The following MAP3K20 variants were observed in gnomAD, a reference collection of about 807,000 sequenced individuals.
MAP3K20 encodes the protein HCCS-4.
Under a neutral mutation model 85.7 loss-of-function variants are expected in MAP3K20, and 40 were observed. The ratio of observed to expected loss-of-function variants is 0.47; its 90% CI spans 0.36 to 0.61. MAP3K20 has a LOEUF of 0.61. Among genes scored for constraint, MAP3K20 ranks in the 20% least tolerant of loss-of-function variants. MAP3K20 has a pLI of 0.00. For missense variants in MAP3K20, 817 were observed against 961.7 expected (o/e 0.85, Z 1.99); for synonymous variants, 325 against 327.7 (o/e 0.99, Z 0.09).
intron 9 of MAP3K20, among the ~76,000 whole-genome samples, chr2:173,204,879 G>A (rs908831520): frequency 5.9e-5 from 9 of 152,062 alleles, no homozygotes; most frequent in Admixed American, 2.0e-4. Flanking sequence ...AGAGGCAGGC[G>A]GATCATGAGG....
At chr2:173,221,346 T>C (rs912060104) in intron 11 of MAP3K20, 2 of 1,613,958 alleles carry the variant, frequency 1.2e-6, no homozygotes, top group Non-Finnish European at 1.7e-6. Flanking sequence ...GCAGGAGCTG[T>C]GATGCATTCT....
In MAP3K20 at chr2:173,201,184, AATAAG is replaced by A. The variant is rs1456572421; in HGVS notation, c.670-2609_670-2605del. ...TTTGCTTCTAATCCCTTAATAATAAAATAAGATGTTTAAACAGTCATATTTCTAAT... is the reference window on the plus strand; with the variant it reads ...TTTGCTTCTAATCCCTTAATAATAAAATGTTTAAACAGTCATATTTCTAAT... On this transcript the variant is annotated intron_variant, in intron 8 of 19. Transcript: ENST00000375213. Among the ~76,000 whole-genome samples, 9 of 152,120 alleles carry A rather than the reference AATAAG, an allele frequency of 5.9e-5. No individual in the cohort carries two copies. In the South Asian group the frequency reaches 1.7e-3, roughly 28 times the overall value.
At chr2:173,248,327 T>A (rs1684968420) in intron 16 of MAP3K20, among the ~76,000 whole-genome samples, 1 of 152,218 alleles carries the variant, frequency 6.6e-6, no homozygotes, top group Non-Finnish European at 1.5e-5. Context: ...CTACCCTGTC[T>A]TATATATGTA....
At position 173,217,098 on chromosome 2, in the gene MAP3K20, C is replaced by A; in HGVS notation, c.852-17C>A. 2 of 1,501,130 alleles carry A rather than the reference C, an allele frequency of 1.3e-6. No homozygotes were observed. The highest frequency in any genetic ancestry group is 1.4e-5 in the South Asian group (1 of 70,582). 93.0% of individuals were successfully genotyped at this position (1,501,130 alleles called of 1,614,324 possible). A position where few individuals can be genotyped will look rare whatever the true frequency, so the allele number is the denominator to read the frequency against. On this transcript the variant is annotated splice_polypyrimidine_tract_variant and intron_variant, in intron 10 of 19. Transcript: ENST00000375213. Reference sequence around the variant, plus strand: ...TCTTAAGTAAAGTTGAGACTTACACCAGCTATCCCCGTGCAGGTGCGAAAT... The same window carrying A: ...TCTTAAGTAAAGTTGAGACTTACACAAGCTATCCCCGTGCAGGTGCGAAAT...
chr2:173,250,090 T>C (rs1685009292), intron 16 of MAP3K20, among the ~76,000 whole-genome samples: 1 of 152,246 alleles, frequency 6.6e-6, no homozygotes, highest in South Asian at 2.1e-4. Flanking sequence ...GTTATTTGCA[T>C]TACTGTGTCA....
intron 2 of MAP3K20, among the ~76,000 whole-genome samples, chr2:173,106,847 G>T (rs1293833297): frequency 1.3e-5 from 2 of 152,162 alleles, no homozygotes; most frequent in Non-Finnish European, 2.9e-5. Flanking sequence ...GGAATTGGTG[G>T]TCAGCAAGTA....
intron 12 of MAP3K20, among the ~76,000 whole-genome samples, chr2:173,231,809 T>C (rs998427078): frequency 3.3e-5 from 5 of 152,256 alleles, no homozygotes; most frequent in Admixed American, 1.3e-4. Context: ...TTCTGTCTGT[T>C]GCTCTGTCCA....
At chr2:173,108,144 T>A (rs200827937) in intron 2 of MAP3K20, among the ~76,000 whole-genome samples, 5 of 131,308 alleles carry the variant, frequency 3.8e-5, no homozygotes, top group East Asian at 2.1e-4. Context: ...TTTTTTTTTT[T>A]ATTTTTTTTT....
chr2:173,093,776 G>A (rs1574005992), intron 2 of MAP3K20, among the ~76,000 whole-genome samples: 2 of 152,196 alleles, frequency 1.3e-5, no homozygotes, highest in South Asian at 4.1e-4. Flanking sequence ...TTAAGAAAAT[G>A]TGGCACATAT....
intron 17 of MAP3K20, among the ~76,000 whole-genome samples, chr2:173,260,708 T>C (rs570273468): frequency 1.9e-3 from 297 of 152,364 alleles, no homozygotes; most frequent in Middle Eastern, 6.8e-3. Flanking sequence ...CTTCTCATAT[T>C]GCTATGGATT....
intron 2 of MAP3K20, among the ~76,000 whole-genome samples, chr2:173,105,660 A>G (rs188495060): frequency 1.3e-5 from 2 of 152,316 alleles, no homozygotes; most frequent in East Asian, 3.9e-4. Flanking sequence ...GCCTAACACA[A>G]AAGGACCAAT....
rs77541672 is a variant in MAP3K20, at chr2:173,239,630, T to C, written c.1359+134T>C. 45,098 of 789,396 alleles carry C rather than the reference T, an allele frequency of 0.057. 5,664 individuals are homozygous for C. The highest frequency in any genetic ancestry group is 0.53 in the East Asian group (18,158 of 34,356). 48.9% of individuals were successfully genotyped at this position (789,396 alleles called of 1,614,324 possible). A position where few individuals can be genotyped will look rare whatever the true frequency, so the allele number is the denominator to read the frequency against. On this transcript the variant is annotated intron_variant, in intron 16 of 19. Coordinates refer to ENST00000375213, the MANE Select transcript of MAP3K20 (RefSeq NM_016653.3). ...GAGTAAATTTATAGACTTTATAAAA[T>C]AGAATTTAGCTGAAAGGCTGCCAGC... is the stretch of plus-strand genomic sequence containing the variant.
At chr2:173,089,731 G>C (rs1275848489) in intron 1 of MAP3K20, among the ~76,000 whole-genome samples, 1 of 151,968 alleles carries the variant, frequency 6.6e-6, no homozygotes, top group Non-Finnish European at 1.5e-5. Context: ...ACAGGTGTCT[G>C]CCACCACACC....
At chr2:173,165,098 G>A (rs545990353) in intron 2 of MAP3K20, among the ~76,000 whole-genome samples, 5 of 152,154 alleles carry the variant, frequency 3.3e-5, no homozygotes, top group South Asian at 2.1e-4. Flanking sequence ...TGATTCCTCC[G>A]TTTATATCTC....
At chr2:173,220,016 T>G (rs1042598134) in intron 11 of MAP3K20, among the ~76,000 whole-genome samples, 2 of 139,914 alleles carry the variant, frequency 1.4e-5, no homozygotes, top group South Asian at 4.5e-4. Context: ...TGCAGTGAGC[T>G]GAGATAGTGC....
intron 2 of MAP3K20, among the ~76,000 whole-genome samples, chr2:173,139,452 GCTGTCTAA>G (rs1243317243): frequency 6.6e-6 from 1 of 152,124 alleles, no homozygotes. Flanking sequence ...TATACCATAT[GCTGTCTAA>G]CAGTGCTTGT....
chr2:173,225,321 C>T, intron 11 of MAP3K20: 3 of 281,028 alleles, frequency 1.1e-5, no homozygotes, highest in Non-Finnish European at 1.6e-5. Flanking sequence ...GGGCAGGGCA[C>T]GGTGGCTCAC....
chr2:173,222,120 T>C (rs1409227808), intron 11 of MAP3K20: 3 of 895,664 alleles, frequency 3.3e-6, no homozygotes, highest in Non-Finnish European at 1.3e-6. Flanking sequence ...GAGGATTGCT[T>C]GAGACCTAGC....
chr2:173,084,396 T>C (rs1313559884), intron 1 of MAP3K20, among the ~76,000 whole-genome samples: 1 of 146,884 alleles, frequency 6.8e-6, no homozygotes, highest in Non-Finnish European at 1.5e-5. Flanking sequence ...AATAAATAGA[T>C]CTTAGCAATG....
Sources: allele counts gnomAD v4.1 joint callset (sites outside exome capture counted in the v4.1 genomes callset), GRCh38; gene constraint gnomAD v4.1.1; transcripts MANE v1.5; gene names NCBI Gene and HGNC (gene_info 2026-07-23, HGNC 2026-07-21).